VWA8: variants seen among roughly 807,000 people sequenced by gnomAD.
VWA8 encodes the protein von Willebrand factor A domain-containing protein 8.
In VWA8, 221 loss-of-function variants were observed where a neutral mutation model predicts 241.5. The observed-to-expected ratio is 0.91, with a 90% CI of 0.82 to 1.02. The LOEUF (loss-of-function observed/expected upper bound fraction) is 1.02, where lower values mean the gene tolerates loss of function less well. VWA8 is among the 50% of genes least tolerant of loss of function. VWA8 has a pLI of 0.00. For synonymous variants in VWA8, 852 were observed against 827.1 expected, an observed-to-expected ratio of 1.03 and a Z score of -0.52; for missense variants, 2,322 against 2,328.7, an observed-to-expected ratio of 1.00 and a Z score of 0.06.
chr13:41,791,800 G>T (rs183198537), intron 17 of VWA8, among the ~76,000 whole-genome samples: 1 of 151,806 alleles, frequency 6.6e-6, no homozygotes, highest in African/African-American at 2.4e-5. Context: ...CTGATGGACA[G>T]ATGGGCTGTT....
At chr13:41,589,893 TAAG>T (rs2139646856) in intron 41 of VWA8, among the ~76,000 whole-genome samples, 1 of 152,318 alleles carries the variant, frequency 6.6e-6, no homozygotes, top group East Asian at 1.9e-4. Context: ...CCTTTTCCCT[TAAG>T]AAGAAGGGTA....
intron 4 of VWA8, among the ~76,000 whole-genome samples, chr13:41,906,431 T>C (rs919875620): frequency 2.6e-5 from 4 of 152,128 alleles, no homozygotes; most frequent in African/African-American, 9.6e-5. Flanking sequence ...TCTTGTCTTC[T>C]TTTTACCACA....
chr13:41,866,151 C>A (rs1873290761), intron 10 of VWA8, 115 bp from the exon 11 acceptor site: 20 of 1,318,996 alleles, frequency 1.5e-5, no homozygotes, highest in Non-Finnish European at 1.6e-5. Context: ...AGTTCGAGAC[C>A]AGCCTGGCCA....
At chr13:41,588,518 C>T (rs2044434165) in intron 41 of VWA8, among the ~76,000 whole-genome samples, 2 of 152,048 alleles carry the variant, frequency 1.3e-5, no homozygotes, top group Admixed American at 1.3e-4. Context: ...GCCAAGGGTT[C>T]AATACCAGCC....
chr13:41,632,576 A>G (rs2044732941), intron 37 of VWA8, among the ~76,000 whole-genome samples: 1 of 152,208 alleles, frequency 6.6e-6, no homozygotes. Flanking sequence ...TCTAGCATCA[A>G]ATCTTGGCTG....
At chr13:41,675,699 C>T (rs566171313) in intron 35 of VWA8, among the ~76,000 whole-genome samples, 4 of 152,202 alleles carry the variant, frequency 2.6e-5, no homozygotes, top group African/African-American at 9.6e-5. Flanking sequence ...TGCTCCTGTC[C>T]GAGCTGTGTT....
chr13:41,813,715 T>C (rs186049311), intron 16 of VWA8, among the ~76,000 whole-genome samples: 2 of 152,234 alleles, frequency 1.3e-5, no homozygotes, highest in East Asian at 3.9e-4. Flanking sequence ...ATAACCAGGG[T>C]TGAGAAAATG....
chr13:41,757,388 A>G (rs955273962), intron 21 of VWA8, among the ~76,000 whole-genome samples: 2 of 151,814 alleles, frequency 1.3e-5, no homozygotes, highest in African/African-American at 4.8e-5. Flanking sequence ...TGTGGTAAAA[A>G]TTTGGATGAA....
At chr13:41,894,606 A>G (rs1875010498) in intron 4 of VWA8, among the ~76,000 whole-genome samples, 1 of 152,232 alleles carries the variant, frequency 6.6e-6, no homozygotes, top group African/African-American at 2.4e-5. Context: ...ATGGATGGTA[A>G]AATTAGTGGC....
intron 4 of VWA8, among the ~76,000 whole-genome samples, chr13:41,906,910 T>C (rs974163512): frequency 6.6e-6 from 1 of 152,174 alleles, no homozygotes; most frequent in Admixed American, 6.5e-5. Context: ...AAATAGCAGC[T>C]GACAGTCTTT....
At chr13:41,656,404 A>T (rs965040207) in intron 37 of VWA8, among the ~76,000 whole-genome samples, 3 of 152,230 alleles carry the variant, frequency 2.0e-5, no homozygotes, top group African/African-American at 4.8e-5. Flanking sequence ...GAAGAAAAAA[A>T]TAATAAAAAT....
chr13:41,683,607 C>A (rs979759227), intron 35 of VWA8, among the ~76,000 whole-genome samples: 8 of 152,080 alleles, frequency 5.3e-5, no homozygotes, highest in African/African-American at 1.9e-4. Context: ...AGCTTAAGAA[C>A]CAATGTATGC....
intron 37 of VWA8, among the ~76,000 whole-genome samples, chr13:41,670,199 C>T (rs1288630545): frequency 6.6e-6 from 1 of 151,838 alleles, no homozygotes; most frequent in Non-Finnish European, 1.5e-5. Flanking sequence ...AAGAAAGTAA[C>T]GTGAACAGGA....
At chr13:41,676,766 G>A (rs2045063080) in intron 35 of VWA8, among the ~76,000 whole-genome samples, 1 of 152,048 alleles carries the variant, frequency 6.6e-6, no homozygotes. Flanking sequence ...CCAAGTAGCT[G>A]GGATTATAGG....
At chr13:41,896,108 G>A (rs1875095003) in intron 4 of VWA8, among the ~76,000 whole-genome samples, 1 of 151,994 alleles carries the variant, frequency 6.6e-6, no homozygotes, top group South Asian at 2.1e-4. Flanking sequence ...AGGTATGCTA[G>A]TCTCTCTAGA....
chr13:41,805,371 C>T (rs1272259940), intron 17 of VWA8, among the ~76,000 whole-genome samples: 1 of 152,088 alleles, frequency 6.6e-6, no homozygotes, highest in East Asian at 1.9e-4. Context: ...GAGCATATAA[C>T]AATTTTAAAT....
intron 14 of VWA8, among the ~76,000 whole-genome samples, chr13:41,820,774 G>A (rs1342551919): frequency 2.6e-5 from 4 of 152,174 alleles, no homozygotes; most frequent in Non-Finnish European, 5.9e-5. Context: ...GACAGAAACT[G>A]GACACAGAAA....
At chr13:41,897,627 C>T (rs1346017483) in intron 4 of VWA8, among the ~76,000 whole-genome samples, 1 of 152,074 alleles carries the variant, frequency 6.6e-6, no homozygotes, top group East Asian at 1.9e-4. Context: ...GCCGCAGACC[C>T]TCGCGGTGTG....
Position 41,605,289 on chromosome 13 carries a change from G to T in VWA8, c.4878-13C>A. ...GATCTCCTTTAGCCTGAAATCAGAA[G>T]AGTATAAAAAGTTAACAGCTTAAAT... On this transcript the variant is annotated splice_polypyrimidine_tract_variant and intron_variant, in intron 39 of 44. Transcript: ENST00000379310. 1.2e-6 allele frequency: 2 copies of T among 1,611,674 alleles called. No individual in the cohort carries two copies. Among genetic ancestry groups the T allele is most frequent in the Non-Finnish European group, 1.7e-6 (2 of 1,178,598 alleles).
Sources: gnomAD v4.1 joint callset for allele counts (sites outside exome capture counted in the v4.1 genomes callset) on GRCh38, gnomAD v4.1.1 for gene constraint, MANE v1.5 for transcripts, NCBI Gene and HGNC (gene_info 2026-07-23, HGNC 2026-07-21) for gene names.